Variants in MPP2 observed in about 807,000 individuals in gnomAD.
MPP2 encodes the protein MAGUK p55 scaffold protein 2, also known as MAGUK p55 subfamily member 2.
A neutral mutation model predicts 58.5 loss-of-function variants in MPP2; 42 were observed. That is an observed-to-expected ratio of 0.72 (90% CI 0.56 to 0.93). The LOEUF (loss-of-function observed/expected upper bound fraction) is 0.93, where lower values mean the gene tolerates loss of function less well. Among genes scored for constraint, MPP2 ranks in the 40% least tolerant of loss-of-function variants. MPP2 has a pLI of 0.00. For synonymous variants in MPP2, 300 were observed against 307.8 expected, an observed-to-expected ratio of 0.97 and a Z score of 0.26; for missense variants, 632 against 760.4, an observed-to-expected ratio of 0.83 and a Z score of 1.99.
rs1406864079 is a variant in MPP2, at chr17:43,876,677, ATACACAC to A, written c.*1123_*1129del. The A allele has an allele frequency of 1.5e-4, 1 of 6,870 alleles. No homozygotes were observed. Among genetic ancestry groups the A allele is most frequent in the Non-Finnish European group, 3.5e-3 (1 of 282 alleles). 0.4% of individuals were successfully genotyped at this position (6,870 alleles called of 1,614,324 possible). A position where few individuals can be genotyped will look rare whatever the true frequency, so the allele number is the denominator to read the frequency against. On this transcript the variant is annotated 3_prime_UTR_variant, in exon 13 of 13. Coordinates refer to ENST00000269095, the MANE Select transcript of MPP2 (RefSeq NM_005374.5). ...CACACGCACGTGCACACGCACACAC[ATACACAC>A]AACCTGGTGCCAGAGGCACAGACAG... is the stretch of plus-strand genomic sequence containing the variant.
chr17:43,904,552 T>G (rs1458043169), intron 1 of MPP2, 59 bp from the exon 2 acceptor site: 3 of 1,479,722 alleles, frequency 2.0e-6, no homozygotes, highest in Non-Finnish European at 9.4e-7. Context: ...GGGAAGGGAA[T>G]AGGAAGAGCC....
intron 3 of MPP2, among the ~76,000 whole-genome samples, chr17:43,897,996 T>C (rs371164279): frequency 6.6e-6 from 1 of 152,228 alleles, no homozygotes; most frequent in African/African-American, 2.4e-5. Flanking sequence ...AACATGTGCA[T>C]GCTAGCCCGC....
At chr17:43,904,828 A>G (rs1193713009) in intron 1 of MPP2, among the ~76,000 whole-genome samples, 3 of 152,158 alleles carry the variant, frequency 2.0e-5, no homozygotes, top group Non-Finnish European at 4.4e-5. Flanking sequence ...TTCCTGTTGT[A>G]TTTTTTGTTT....
rs1188594087 is a variant in MPP2, at chr17:43,879,334, T to TTTCGAAGTCTGGGGC, written c.1422_1423insGCCCCAGACTTCGAA (p.Ala470_Glu474dup). 2 of 1,613,914 alleles carry TTTCGAAGTCTGGGGC rather than the reference T, an allele frequency of 1.2e-6. No individual in the cohort carries two copies. The highest frequency in any genetic ancestry group is 3.3e-5 in the Admixed American group (2 of 59,994). On this transcript the variant is annotated inframe_insertion, in exon 12 of 13. Transcript: ENST00000269095. The surrounding 1 kb of genome is among the most constrained non-coding windows in gnomAD (Gnocchi z 4.1). The stretch of plus-strand genomic sequence containing the variant: ...GCAGCCCTGTTCATGGCCCGCAGGG[T>TTTCGAAGTCTGGGGC]CTCGAAGTCTGGGGCCTCGATGAAC...
At chr17:43,882,232 C>T in intron 6 of MPP2, 52 bp downstream of exon 6, 1 of 1,519,824 alleles carries the variant, frequency 6.6e-7, no homozygotes, top group Non-Finnish European at 9.0e-7. Context: ...GCAACCTTGA[C>T]AGCCAGGAGG....
chr17:43,907,353 C>G (rs2048331735), intron 1 of MPP2, 121 bp downstream of exon 1: 1 of 985,610 alleles, frequency 1.0e-6, no homozygotes, highest in Non-Finnish European at 1.2e-6. Context: ...GGGAACGGGC[C>G]TGGGTGAAAG....
At chr17:43,903,103 C>G (rs1200674076) in intron 2 of MPP2, among the ~76,000 whole-genome samples, 3 of 151,948 alleles carry the variant, frequency 2.0e-5, no homozygotes, top group Admixed American at 6.6e-5. Context: ...ATGGTGAAAC[C>G]CAGTCTCTAC....
intron 2 of MPP2, among the ~76,000 whole-genome samples, chr17:43,904,013 G>A (rs1597815752): frequency 6.6e-6 from 1 of 152,244 alleles, no homozygotes; most frequent in Non-Finnish European, 1.5e-5. Context: ...AGTGGGCAGC[G>A]ATTATGGACT....
chr17:43,894,875 CCAGGCTG>C (rs1448277218), intron 3 of MPP2, among the ~76,000 whole-genome samples: 1 of 151,842 alleles, frequency 6.6e-6, no homozygotes, highest in African/African-American at 2.4e-5. Context: ...CCCAGGAGTT[CCAGGCTG>C]CAGTGAGCTA....
chr17:43,909,250 G>C (rs1026022519), upstream of MPP2, among the ~76,000 whole-genome samples: 5 of 152,014 alleles, frequency 3.3e-5, no homozygotes, highest in Non-Finnish European at 7.4e-5. Flanking sequence ...ATTTTTAGTA[G>C]AGACAGGGTT....
intron 1 of MPP2, 142 bp downstream of exon 1, chr17:43,907,332 G>C (rs1371418231): frequency 2.0e-6 from 2 of 985,524 alleles, no homozygotes; most frequent in African/African-American, 3.5e-5. Context: ...GCGGGGGCGG[G>C]TGGACAGGGA....
chr17:43,896,758 A>G (rs1181113250), intron 3 of MPP2, among the ~76,000 whole-genome samples: 1 of 152,102 alleles, frequency 6.6e-6, no homozygotes, highest in African/African-American at 2.4e-5. Context: ...CCTTTCAGTG[A>G]CCAGTCAAAC....
In MPP2 at chr17:43,880,559, A is replaced by AC. The variant is rs1250857898; in HGVS notation, c.1150+131dup. ...CCCTAACCACCCACAGAGGGCGTGCACCCCAACCCGTGTACCCAAAGGTAC... is the reference window on the plus strand; with the variant it reads ...CCCTAACCACCCACAGAGGGCGTGCACCCCCAACCCGTGTACCCAAAGGTAC... On this transcript the variant is annotated intron_variant, in intron 10 of 12. Transcript: ENST00000269095. This position sits in a 1 kb window ranked among gnomAD's most constrained non-coding sequence, Gnocchi z 5.2. 19 of 1,038,998 alleles carry AC rather than the reference A, an allele frequency of 1.8e-5. No individual in the cohort carries two copies. The Admixed American group carries it at 2.8e-4, about 15-fold the overall frequency. 64.4% of individuals were successfully genotyped at this position (1,038,998 alleles called of 1,614,324 possible). A position where few individuals can be genotyped will look rare whatever the true frequency, so the allele number is the denominator to read the frequency against.
intron 2 of MPP2, chr17:43,900,692 C>T (rs1432173256): frequency 1.5e-6 from 2 of 1,375,482 alleles, no homozygotes; most frequent in Non-Finnish European, 1.9e-6. Context: ...AAGGCTCAGC[C>T]GCCGTGACCG....
intron 3 of MPP2, among the ~76,000 whole-genome samples, chr17:43,887,817 T>C (rs2047435308): frequency 6.6e-6 from 1 of 152,104 alleles, no homozygotes; most frequent in African/African-American, 2.4e-5. Flanking sequence ...TGTTTGATTT[T>C]TTTTTTAGGT....
chr17:43,879,251 TC>T lies in MPP2; in HGVS notation c.1482+23del. On this transcript the variant is annotated intron_variant, in intron 12 of 12. Transcript: ENST00000269095. The surrounding 1 kb of genome is among the most constrained non-coding windows in gnomAD (Gnocchi z 4.1). Reference sequence around the variant, plus strand: ...CCACCCTAGGCAGCTATCAGACCCCTCCCCCACACCTCAGAGCCCTCACCGT... The same window carrying T: ...CCACCCTAGGCAGCTATCAGACCCCTCCCCACACCTCAGAGCCCTCACCGT... 6.3e-7 allele frequency: 1 copy of T among 1,595,514 alleles called. No individual in the cohort carries two copies. Among genetic ancestry groups the T allele is most frequent in the Non-Finnish European group, 8.6e-7 (1 of 1,166,294 alleles).
At chr17:43,895,502 A>AT (rs1008991577) in intron 3 of MPP2, among the ~76,000 whole-genome samples, 2 of 152,004 alleles carry the variant, frequency 1.3e-5, no homozygotes, top group African/African-American at 4.8e-5. Context: ...GGAGTTTGTT[A>AT]TTTTTTTATG....
At chr17:43,882,791 G>T in intron 5 of MPP2, 112 bp downstream of exon 5, 1 of 1,486,932 alleles carries the variant, frequency 6.7e-7, no homozygotes. Context: ...CCTGCACAAA[G>T]CTGGCCCCAT....
chr17:43,902,102 A>T (rs1256871263), intron 2 of MPP2, among the ~76,000 whole-genome samples: 1 of 152,168 alleles, frequency 6.6e-6, no homozygotes, highest in African/African-American at 2.4e-5. Flanking sequence ...CTGGGAGCTA[A>T]TGTAGCTCAG....
Sources: allele counts gnomAD v4.1 joint callset (sites outside exome capture counted in the v4.1 genomes callset), GRCh38; gene constraint gnomAD v4.1.1; non-coding constraint Gnocchi (gnomAD v3.1); transcripts MANE v1.5; gene names NCBI Gene and HGNC (gene_info 2026-07-23, HGNC 2026-07-21).